Variants in ODF2L observed in about 807,000 individuals in gnomAD.
ODF2L encodes the protein outer dense fiber of sperm tails 2 like.
A neutral mutation model predicts 86.3 loss-of-function variants in ODF2L; 76 were observed. The ratio of observed to expected loss-of-function variants is 0.88; its 90% CI spans 0.73 to 1.07. The LOEUF (loss-of-function observed/expected upper bound fraction) is 1.07. ODF2L is among the 50% of genes least tolerant of loss of function. The pLI, the probability that ODF2L is intolerant of heterozygous loss-of-function variation, is 0.00. For missense variants in ODF2L, 748 were observed against 717.4 expected (o/e 1.04, Z -0.49); for synonymous variants, 241 against 231.3 (o/e 1.04, Z -0.38).
intron 15 of ODF2L, 38 bp from the exon 15 acceptor site, chr1:86,354,730 G>A: frequency 6.5e-7 from 1 of 1,549,932 alleles, no homozygotes; most frequent in African/African-American, 1.4e-5. Flanking sequence ...ATGTTAATGT[G>A]CAGAGAAATA....
intron 1 of ODF2L, among the ~76,000 whole-genome samples, chr1:86,390,013 G>A (rs12048329): frequency 6.6e-6 from 1 of 152,124 alleles, no homozygotes; most frequent in South Asian, 2.1e-4. Context: ...TACAGAAAGA[G>A]AGAATCCTCC....
intron 1 of ODF2L, among the ~76,000 whole-genome samples, chr1:86,390,544 A>C (rs781373297): frequency 6.6e-6 from 1 of 152,230 alleles, no homozygotes; most frequent in African/African-American, 2.4e-5. Context: ...AAGTCAATAA[A>C]TGTGATACAC....
chr1:86,372,099 A>G (rs272506), intron 9 of ODF2L, among the ~76,000 whole-genome samples: 110,201 of 151,246 alleles, frequency 0.73, 40,452 homozygotes, highest in East Asian at 0.83. Context: ...TGAAACAGGA[A>G]AATCACTTGA....
chr1:86,369,052 C>G (rs960216423), intron 10 of ODF2L, among the ~76,000 whole-genome samples: 2 of 151,972 alleles, frequency 1.3e-5, no homozygotes, highest in Non-Finnish European at 2.9e-5. Flanking sequence ...TTTTATATTT[C>G]TATAGTTTCC....
At chr1:86,355,114 C>T (rs1386885064) in intron 14 of ODF2L, 12 of 544,678 alleles carry the variant, frequency 2.2e-5, no homozygotes, top group Non-Finnish European at 2.6e-5. Context: ...GCTATTAAAA[C>T]ACTTTGAACA....
chr1:86,392,702 T>C (rs979066187), intron 1 of ODF2L, among the ~76,000 whole-genome samples: 2 of 152,032 alleles, frequency 1.3e-5, no homozygotes, highest in Non-Finnish European at 2.9e-5. Context: ...GACTACCAAT[T>C]GGAATTCAGT....
intron 10 of ODF2L, among the ~76,000 whole-genome samples, chr1:86,369,625 C>CTT (rs1453878737): frequency 6.6e-6 from 1 of 152,178 alleles, no homozygotes; most frequent in Non-Finnish European, 1.5e-5. Context: ...GGGAAAGAAT[C>CTT]TTTTTGGCTT....
chr1:86,373,021 G>C lies in ODF2L; in HGVS notation c.811-481C>G, dbSNP rs1451265504. Among the ~76,000 whole-genome samples, 6 of 152,252 alleles carry C rather than the reference G, an allele frequency of 3.9e-5. No individual in the cohort carries two copies. The East Asian group carries it at 1.2e-3, about 29-fold the overall frequency. ...GACTACACATTGGCTACAGTGTACA[G>C]TGCTCGGGTGACAGGTGCACCAAAA... On this transcript the variant is annotated intron_variant, in intron 8 of 17. Transcript: ENST00000317336.
intron 10 of ODF2L, among the ~76,000 whole-genome samples, chr1:86,370,022 GC>G (rs1659687898): frequency 6.6e-6 from 1 of 151,686 alleles, no homozygotes; most frequent in Non-Finnish European, 1.5e-5. Context: ...AAAACCCACT[GC>G]AAGCTTTATA....
chr1:86,372,680 C>T (rs947450432), intron 8 of ODF2L, 140 bp from the exon 9 acceptor site: 29 of 489,108 alleles, frequency 5.9e-5, no homozygotes, highest in Non-Finnish European at 9.6e-5. Flanking sequence ...ACTATACATG[C>T]ATGTTTATAG....
At chr1:86,383,554 C>T (rs1040854846) in intron 4 of ODF2L, among the ~76,000 whole-genome samples, 1 of 151,684 alleles carries the variant, frequency 6.6e-6, no homozygotes, top group South Asian at 2.1e-4. Flanking sequence ...AATCTAAATT[C>T]TAGCAATAAG....
chr1:86,356,512 C>G, exon 14 of ODF2L: 1 of 1,614,088 alleles, frequency 6.2e-7, no homozygotes, highest in South Asian at 1.1e-5. Flanking sequence ...TGCAGACTCT[C>G]CTGACACTCG....
At position 86,357,977 on chromosome 1, in the gene ODF2L, G is replaced by A. The variant is rs114401553; in HGVS notation, c.1359+810C>T. 5,166 of 985,340 alleles carry A rather than the reference G, an allele frequency of 5.2e-3. 24 individuals are homozygous for A. Among genetic ancestry groups the A allele is most frequent in the Non-Finnish European group, 5.6e-3 (4,655 of 829,898 alleles). 61.0% of individuals were successfully genotyped at this position (985,340 alleles called of 1,614,324 possible). A position where few individuals can be genotyped will look rare whatever the true frequency, so the allele number is the denominator to read the frequency against. ...TTATTCGCTGGCCTGCTAAAAATAG[G>A]TGAAAAGTAATTCCATGAAAGCAGT... On this transcript the variant is annotated intron_variant, in intron 13 of 17. Coordinates refer to ENST00000317336, the Ensembl canonical transcript of ODF2L.
chr1:86,395,304 C>G (rs537688638), intron 1 of ODF2L, among the ~76,000 whole-genome samples: 20 of 152,044 alleles, frequency 1.3e-4, no homozygotes, highest in African/African-American at 4.8e-4. Flanking sequence ...TCTCAGTAAA[C>G]AACAAGCACC....
chr1:86,362,819 C>T (rs1229638260), intron 11 of ODF2L, among the ~76,000 whole-genome samples: 35 of 152,088 alleles, frequency 2.3e-4, no homozygotes, highest in Non-Finnish European at 1.2e-4. Flanking sequence ...GCCACCATGC[C>T]CAGTTAATTT....
At chr1:86,376,525 T>G in intron 7 of ODF2L, 107 bp from the exon 8 acceptor site, 1 of 659,220 alleles carries the variant, frequency 1.5e-6, no homozygotes, top group Non-Finnish European at 2.5e-6. Flanking sequence ...TACTCCATTC[T>G]CACACTGCCA....
intron 14 of ODF2L, chr1:86,355,528 A>C: frequency 1.6e-6 from 1 of 617,180 alleles, no homozygotes; most frequent in Non-Finnish European, 2.9e-6. Context: ...TTTTGTCTGC[A>C]TATTTTTATC....
At chr1:86,382,982 A>G (rs772612594) in exon 6 of ODF2L, 1 of 1,556,544 alleles carries the variant, frequency 6.4e-7, no homozygotes, top group Non-Finnish European at 8.9e-7. Flanking sequence ...CCTCCTTTTC[A>G]AATACCTTCT....
At chr1:86,377,645 C>A (rs1418731133) in intron 7 of ODF2L, among the ~76,000 whole-genome samples, 1 of 152,196 alleles carries the variant, frequency 6.6e-6, no homozygotes, top group Non-Finnish European at 1.5e-5. Context: ...ACCCACAGGC[C>A]CAACACCACA....
Sources: allele counts gnomAD v4.1 joint callset (sites outside exome capture counted in the v4.1 genomes callset), GRCh38; gene constraint gnomAD v4.1.1; transcripts MANE v1.5; gene names NCBI Gene and HGNC (gene_info 2026-07-23, HGNC 2026-07-21).